The following WWOX variants were observed in gnomAD, a reference collection of about 807,000 sequenced individuals.
WWOX encodes WW domain containing oxidoreductase.
WWOX carries 69 observed loss-of-function variants against 46.2 expected under a neutral mutation model. The observed-to-expected ratio is 1.49, with a 90% CI of 1.23 to 1.82. The LOEUF is 1.82. Ranked by LOEUF, WWOX falls within the 40% of genes most tolerant of loss-of-function variation. The pLI, the probability that WWOX is intolerant of heterozygous loss-of-function variation, is 0.00. For synonymous variants in WWOX, 359 were observed against 202.6 expected, an observed-to-expected ratio of 1.77 and a Z score of -6.56; for missense variants, 919 against 542.6, an observed-to-expected ratio of 1.69 and a Z score of -6.89.
intron 8 of WWOX, among the ~76,000 whole-genome samples, chr16:78,813,615 T>C (rs1597656594): frequency 6.6e-6 from 1 of 152,042 alleles, no homozygotes; most frequent in African/African-American, 2.4e-5. Context: ...GTGTGTGTGT[T>C]CATCACGTAT....
intron 8 of WWOX, among the ~76,000 whole-genome samples, chr16:79,080,440 A>G (rs1452819673): frequency 1.3e-5 from 2 of 152,130 alleles, no homozygotes; most frequent in Non-Finnish European, 2.9e-5. Flanking sequence ...CCAAATCCAA[A>G]TTCCTGGGAG....
rs141175019 is a variant in WWOX at position 78,455,250 on chromosome 16, T to C, written c.1056+22498T>C. Among the ~76,000 whole-genome samples, 477 of 152,266 alleles carry C rather than the reference T, an allele frequency of 3.1e-3. 1 individual carries two copies. The highest frequency in any genetic ancestry group is 4.5e-3 in the Non-Finnish European group (306 of 68,028). ...AAACGAGAGAATTTTAGGTTCTCTTTGTAGCTGTGGCTGGGCTGGGACAAG... is the reference window on the plus strand; with the variant it reads ...AAACGAGAGAATTTTAGGTTCTCTTCGTAGCTGTGGCTGGGCTGGGACAAG... On this transcript the variant is annotated intron_variant, in intron 8 of 8. Coordinates refer to ENST00000566780, the MANE Select transcript of WWOX (RefSeq NM_016373.4).
At chr16:78,481,668 GC>G (rs2084490022) in intron 8 of WWOX, among the ~76,000 whole-genome samples, 1 of 149,230 alleles carries the variant, frequency 6.7e-6, no homozygotes, top group South Asian at 2.1e-4. Flanking sequence ...CAACAATTTG[GC>G]TGTATTTGCC....
At chr16:78,992,239 C>A (rs888332647) in intron 8 of WWOX, among the ~76,000 whole-genome samples, 1 of 152,114 alleles carries the variant, frequency 6.6e-6, no homozygotes, top group African/African-American at 2.4e-5. Flanking sequence ...TTTGGTCACC[C>A]CTTCTGTAAG....
intron 8 of WWOX, among the ~76,000 whole-genome samples, chr16:78,918,676 A>C (rs562990985): frequency 1.3e-5 from 2 of 152,174 alleles, no homozygotes; most frequent in African/African-American, 4.8e-5. Context: ...TCCATCCTGA[A>C]AGCACTGCAT....
intron 8 of WWOX, among the ~76,000 whole-genome samples, chr16:78,779,288 G>A (rs945482866): frequency 2.0e-5 from 3 of 152,088 alleles, no homozygotes; most frequent in South Asian, 2.1e-4. Context: ...GGGACTACAG[G>A]TGCATGCCAC....
At chr16:78,842,311 T>C (rs999110429) in intron 8 of WWOX, among the ~76,000 whole-genome samples, 6 of 139,488 alleles carry the variant, frequency 4.3e-5, no homozygotes, top group African/African-American at 8.1e-5. Flanking sequence ...CTGGGCAACA[T>C]AGGCAGACCC....
At chr16:78,193,394 T>C (rs575961000) in intron 5 of WWOX, among the ~76,000 whole-genome samples, 4 of 152,188 alleles carry the variant, frequency 2.6e-5, no homozygotes, top group Non-Finnish European at 5.9e-5. Flanking sequence ...CGAACATACA[T>C]GTTGAAAATT....
chr16:78,958,860 A>C (rs1308823097), intron 8 of WWOX, among the ~76,000 whole-genome samples: 1 of 152,176 alleles, frequency 6.6e-6, no homozygotes, highest in Non-Finnish European at 1.5e-5. Flanking sequence ...CCTTTGATTC[A>C]AAAGAAAAAA....
At chr16:78,599,550 C>A (rs1018952807) in intron 8 of WWOX, among the ~76,000 whole-genome samples, 1 of 152,206 alleles carries the variant, frequency 6.6e-6, no homozygotes, top group South Asian at 2.1e-4. Context: ...AGGAGGGCCA[C>A]ATTCCTCTCA....
intron 8 of WWOX, among the ~76,000 whole-genome samples, chr16:79,086,742 G>T (rs999651694): frequency 6.6e-6 from 1 of 152,172 alleles, no homozygotes; most frequent in Non-Finnish European, 1.5e-5. Context: ...AATTAGCCAG[G>T]CATGGTGCTG....
chr16:78,820,101 C>G (rs1363333082), intron 8 of WWOX, among the ~76,000 whole-genome samples: 1 of 152,100 alleles, frequency 6.6e-6, no homozygotes, highest in African/African-American at 2.4e-5. Context: ...CCGTGAGCAC[C>G]TGTCATGGGC....
At chr16:78,254,639 G>A (rs1486538222) in intron 5 of WWOX, among the ~76,000 whole-genome samples, 2 of 151,186 alleles carry the variant, frequency 1.3e-5, no homozygotes, top group Non-Finnish European at 2.9e-5. Context: ...CCAAGTAGCT[G>A]GGACCACAGC....
intron 8 of WWOX, among the ~76,000 whole-genome samples, chr16:78,753,345 A>C (rs1353964434): frequency 1.3e-5 from 2 of 151,792 alleles, no homozygotes. Flanking sequence ...GAAAGAAAGA[A>C]CCTCTTAGGC....
At chr16:79,023,964 CA>C (rs140384059) in intron 8 of WWOX, among the ~76,000 whole-genome samples, 1 of 150,926 alleles carries the variant, frequency 6.6e-6, no homozygotes, top group Non-Finnish European at 1.5e-5. Flanking sequence ...AAAAAACAAA[CA>C]AAAAAAACAT....
chr16:78,601,664 G>T (rs1028342961), intron 8 of WWOX, among the ~76,000 whole-genome samples: 1 of 152,204 alleles, frequency 6.6e-6, no homozygotes, highest in Non-Finnish European at 1.5e-5. Flanking sequence ...GAATGTGGTA[G>T]TATATTAATT....
intron 8 of WWOX, among the ~76,000 whole-genome samples, chr16:78,741,625 T>C (rs1445593586): frequency 6.6e-6 from 1 of 151,278 alleles, no homozygotes; most frequent in African/African-American, 2.4e-5. Context: ...GAGGCTGAGG[T>C]GGGTGGATCA....
Position 78,115,112 on chromosome 16 carries a change from A to C in WWOX, c.367A>C (p.Thr123Pro). Reference sequence around the variant, plus strand: ...GGAAATTCTCCAGGGCCGGGATTTCACTGGCAAAGTGGTTGTGGTCACTGG... The same window carrying C: ...GGAAATTCTCCAGGGCCGGGATTTCCCTGGCAAAGTGGTTGTGGTCACTGG... The part of the protein sequence containing the change: ...AMEILQGRDF[T>P]GKVVVVTGAN... Residue 123 changes from threonine (T) to proline (P), a missense_variant, in exon 4 of 9, where the codon ACT becomes CCT. By Grantham distance (38) the Thr-to-Pro change is conservative. Coordinates refer to ENST00000566780, the MANE Select transcript of WWOX (RefSeq NM_016373.4). 1 of 1,614,182 alleles carries C rather than the reference A, an allele frequency of 6.2e-7. No individual in the cohort carries two copies. Among genetic ancestry groups the C allele is most frequent in the Non-Finnish European group, 8.5e-7 (1 of 1,180,028 alleles).
At chr16:78,659,617 T>C (rs2047166635) in intron 8 of WWOX, among the ~76,000 whole-genome samples, 2 of 152,190 alleles carry the variant, frequency 1.3e-5, no homozygotes, top group Non-Finnish European at 2.9e-5. Flanking sequence ...TGCAAAGCAC[T>C]GTACTACTCA....
Sources: allele counts gnomAD v4.1 joint callset (sites outside exome capture counted in the v4.1 genomes callset), GRCh38; gene constraint gnomAD v4.1.1; transcripts MANE v1.5; gene names NCBI Gene and HGNC (gene_info 2026-07-23, HGNC 2026-07-21).